The following LRMDA variants were observed in gnomAD, a reference collection of about 807,000 sequenced individuals.
LRMDA encodes the protein leucine-rich melanocyte differentiation-associated protein.
In LRMDA, 18 loss-of-function variants were observed where a neutral mutation model predicts 29.8. The ratio of observed to expected loss-of-function variants is 0.60; its 90% CI spans 0.42 to 0.90. The LOEUF is 0.90. Among genes scored for constraint, LRMDA ranks in the 40% least tolerant of loss-of-function variants. The probability of loss-of-function intolerance (pLI) is 0.00; values close to 1 mark genes in which losing one functional copy is unlikely to be tolerated. For missense variants in LRMDA, 273 were observed against 273.9 expected (o/e 1.00, Z 0.02); for synonymous variants, 125 against 109.4 (o/e 1.14, Z -0.89).
rs1352815742 is a variant in LRMDA at position 76,454,909 on chromosome 10, G to T, written c.602-102300G>T. Among the ~76,000 whole-genome samples, 4 of 152,282 alleles carry T rather than the reference G, an allele frequency of 2.6e-5. No individual in the cohort carries two copies. In the East Asian group the frequency reaches 7.7e-4, roughly 29 times the overall value. On this transcript the variant is annotated intron_variant, in intron 6 of 6. Transcript: ENST00000611255. The stretch of plus-strand genomic sequence containing the variant: ...ATGGAGAATCCAGGGCAGGGATCTG[G>T]TTTGACTGGGGCCAAGTTGTATTTC...
chr10:75,827,788 C>T (rs1007079592), intron 2 of LRMDA, among the ~76,000 whole-genome samples: 1 of 152,204 alleles, frequency 6.6e-6, no homozygotes, highest in Non-Finnish European at 1.5e-5. Flanking sequence ...AAACAGTTTG[C>T]CAATTCGTAA....
At chr10:76,142,576 G>T (rs1850223490) in intron 5 of LRMDA, among the ~76,000 whole-genome samples, 1 of 151,398 alleles carries the variant, frequency 6.6e-6, no homozygotes, top group African/African-American at 2.4e-5. Flanking sequence ...AACTTCATCT[G>T]TGTTGATGCT....
chr10:75,646,834 C>T (rs1038506899), intron 2 of LRMDA, among the ~76,000 whole-genome samples: 9 of 151,864 alleles, frequency 5.9e-5, no homozygotes, highest in Admixed American at 2.6e-4. Flanking sequence ...AAGGTACTAA[C>T]GAAGTAATAT....
intron 2 of LRMDA, among the ~76,000 whole-genome samples, chr10:75,905,326 A>C (rs1461719715): frequency 6.6e-6 from 1 of 151,694 alleles, no homozygotes; most frequent in Non-Finnish European, 1.5e-5. Context: ...TTTTTTTTTA[A>C]AAAGATTCTC....
chr10:75,853,433 GGTGTGTGT>G (rs3042495), intron 2 of LRMDA, among the ~76,000 whole-genome samples: 99 of 147,602 alleles, frequency 6.7e-4, no homozygotes, highest in Admixed American at 1.8e-3. Flanking sequence ...AAAGAAGAGG[GGTGTGTGT>G]GTGTGTGTGT....
At chr10:75,468,971 C>A (rs182642849) in intron 2 of LRMDA, among the ~76,000 whole-genome samples, 1 of 152,186 alleles carries the variant, frequency 6.6e-6, no homozygotes, top group East Asian at 1.9e-4. Context: ...AAAGGCCCTG[C>A]ATTTGGAAAG....
intron 2 of LRMDA, among the ~76,000 whole-genome samples, chr10:75,753,275 G>T (rs1344875905): frequency 6.6e-6 from 1 of 152,172 alleles, no homozygotes; most frequent in Admixed American, 6.5e-5. Context: ...GTACCTAAGG[G>T]CAGTGGGGAC....
rs541914052 is a variant in LRMDA at position 76,553,567 on chromosome 10, G to A, written c.602-3642G>A. Among the ~76,000 whole-genome samples the A allele has an allele frequency of 3.3e-5, 5 of 152,340 alleles. No individual in the cohort carries two copies. In the East Asian group the frequency reaches 9.6e-4, roughly 29 times the overall value. Reference sequence around the variant, plus strand: ...CACAATGCCACCTCACTTAATTTACGAGCAGAGCCTCATATTTTACAAATA... The same window carrying A: ...CACAATGCCACCTCACTTAATTTACAAGCAGAGCCTCATATTTTACAAATA... On this transcript the variant is annotated intron_variant, in intron 6 of 6. Transcript: ENST00000611255.
chr10:75,822,775 G>T (rs2132282882), intron 2 of LRMDA, among the ~76,000 whole-genome samples: 1 of 151,998 alleles, frequency 6.6e-6, no homozygotes, highest in Non-Finnish European at 1.5e-5. Context: ...ACCCAAAGCT[G>T]GAGTGCACTG....
chr10:76,042,294 G>A (rs1168186088), intron 3 of LRMDA, among the ~76,000 whole-genome samples: 1 of 152,168 alleles, frequency 6.6e-6, no homozygotes, highest in Non-Finnish European at 1.5e-5. Context: ...TAGTTGAAAG[G>A]CTTAGGAAGA....
At chr10:76,539,852 G>A (rs116494175) in intron 6 of LRMDA, among the ~76,000 whole-genome samples, 2,033 of 152,216 alleles carry the variant, frequency 0.013, 51 homozygotes, top group African/African-American at 0.046. Flanking sequence ...AACATGAATA[G>A]GATGGAGCAA....
intron 6 of LRMDA, among the ~76,000 whole-genome samples, chr10:76,538,085 T>C (rs1843309625): frequency 6.6e-6 from 1 of 152,222 alleles, no homozygotes; most frequent in Non-Finnish European, 1.5e-5. Context: ...TGTATAGTTG[T>C]ACTATAGATT....
chr10:76,268,747 C>T (rs540035303), intron 5 of LRMDA, among the ~76,000 whole-genome samples: 43 of 152,280 alleles, frequency 2.8e-4, no homozygotes, highest in Admixed American at 2.2e-3. Context: ...TCTGTCCTTA[C>T]GCCCCCATTG....
chr10:75,737,167 T>A (rs1842776307), intron 2 of LRMDA, among the ~76,000 whole-genome samples: 1 of 152,210 alleles, frequency 6.6e-6, no homozygotes, highest in Non-Finnish European at 1.5e-5. Context: ...GTTGATTCCT[T>A]GGATCAGCTC....
chr10:76,302,702 T>G (rs1039365957), intron 5 of LRMDA, among the ~76,000 whole-genome samples: 3 of 152,192 alleles, frequency 2.0e-5, no homozygotes, highest in African/African-American at 7.2e-5. Flanking sequence ...TTGTGAGATA[T>G]TTCCTCAGAC....
chr10:76,356,125 T>C (rs1841236519), intron 6 of LRMDA, among the ~76,000 whole-genome samples: 1 of 152,186 alleles, frequency 6.6e-6, no homozygotes, highest in Non-Finnish European at 1.5e-5. Context: ...GTTCATTTCT[T>C]TGAGGACAGG....
At chr10:75,739,499 A>G (rs1842804576) in intron 2 of LRMDA, among the ~76,000 whole-genome samples, 1 of 152,238 alleles carries the variant, frequency 6.6e-6, no homozygotes, top group Non-Finnish European at 1.5e-5. Flanking sequence ...TATGCAGAAC[A>G]GGGTGCAAGA....
chr10:75,751,230 A>G (rs1028133445), intron 2 of LRMDA, among the ~76,000 whole-genome samples: 59 of 152,138 alleles, frequency 3.9e-4, no homozygotes, highest in African/African-American at 1.4e-3. Flanking sequence ...CAGGAGAATC[A>G]GGCAGGGAGG....
intron 6 of LRMDA, among the ~76,000 whole-genome samples, chr10:76,553,712 T>G (rs1289018990): frequency 6.6e-6 from 1 of 152,102 alleles, no homozygotes; most frequent in Non-Finnish European, 1.5e-5. Context: ...ATATTGGGGG[T>G]AATCACATCC....
Sources: gnomAD v4.1 joint callset for allele counts (sites outside exome capture counted in the v4.1 genomes callset) on GRCh38, gnomAD v4.1.1 for gene constraint, MANE v1.5 for transcripts, NCBI Gene and HGNC (gene_info 2026-07-23, HGNC 2026-07-21) for gene names.